Variants in CD109 observed in about 807,000 individuals in gnomAD.
CD109 encodes the protein CD109 antigen.
A neutral mutation model predicts 165.8 loss-of-function variants in CD109; 149 were observed. That is an observed-to-expected ratio of 0.90 (90% CI 0.79 to 1.03). The LOEUF is 1.03. Among genes scored for constraint, CD109 ranks in the 50% least tolerant of loss-of-function variants. The probability of loss-of-function intolerance (pLI) is 0.00; values close to 1 mark genes in which losing one functional copy is unlikely to be tolerated. For missense variants in CD109, 1,712 were observed against 1,677.8 expected, an observed-to-expected ratio of 1.02 and a Z score of -0.36; for synonymous variants, 585 against 592.1, an observed-to-expected ratio of 0.99 and a Z score of 0.18.
intron 22 of CD109, among the ~76,000 whole-genome samples, chr6:73,790,098 C>T (rs1774865308): frequency 3.4e-5 from 3 of 88,132 alleles, no homozygotes; most frequent in Non-Finnish European, 7.2e-5. Context: ...TGCTAAAAGT[C>T]CTTTTTTTTT....
intron 2 of CD109, among the ~76,000 whole-genome samples, chr6:73,712,412 C>T (rs1771573511): frequency 6.6e-6 from 1 of 151,828 alleles, no homozygotes; most frequent in African/African-American, 2.4e-5. Context: ...CAAAAGGCTG[C>T]CAAAAATAAT....
chr6:73,780,548 C>A, intron 16 of CD109, 50 bp downstream of exon 16: 1 of 1,171,278 alleles, frequency 8.5e-7, no homozygotes. Flanking sequence ...TTTACTATTG[C>A]AAACCCTTTC....
chr6:73,726,029 A>G (rs181532773), intron 3 of CD109, among the ~76,000 whole-genome samples: 192 of 152,344 alleles, frequency 1.3e-3, no homozygotes, highest in South Asian at 2.5e-3. Flanking sequence ...ATGCTTGACA[A>G]AAAAAGAAGG....
Position 73,783,814 on chromosome 6 carries a change from C to T in CD109, c.2213C>T (p.Thr738Ile), listed in dbSNP as rs138465270. 3,502 of 1,576,112 alleles carry T rather than the reference C, an allele frequency of 2.2e-3. 7 individuals carry two copies. The highest frequency in any genetic ancestry group is 2.7e-3 in the Non-Finnish European group (3,150 of 1,146,306). The change falls in exon 19 of 33, where the codon ACT (threonine) becomes ATT (isoleucine). Residue 738 changes from threonine to isoleucine, a missense_variant. Thr to Ile is a moderately conservative substitution (Grantham distance 89, BLOSUM62 -1). Transcript: ENST00000287097. Reference sequence around the variant, plus strand: ...GACCTGGGTCTTGGACTAACAACTACTCCAGTGGAGGTATTGTATTAAAGA... The same window carrying T: ...GACCTGGGTCTTGGACTAACAACTATTCCAGTGGAGGTATTGTATTAAAGA... ...SEDLGLGLTT[T>I]PVELQAFQPF...
the CD109 span, among the ~76,000 whole-genome samples, chr6:73,690,705 T>C: frequency 1.1e-4 from 17 of 152,196 alleles, no homozygotes; most frequent in Non-Finnish European, 7.3e-5. Flanking sequence ...CGGCTGCAGC[T>C]GATGAACATT....
At chr6:73,687,338 C>A in the CD109 span, among the ~76,000 whole-genome samples, 2 of 151,978 alleles carry the variant, frequency 1.3e-5, no homozygotes, top group African/African-American at 2.4e-5. Context: ...ACATTGGATA[C>A]TCCTTCCTCC....
intron 23 of CD109, among the ~76,000 whole-genome samples, chr6:73,798,765 A>C (rs1248815999): frequency 6.6e-6 from 1 of 152,120 alleles, no homozygotes; most frequent in East Asian, 1.9e-4. Flanking sequence ...CCTGAGGGGT[A>C]ATTTCCATAA....
Position 73,792,817 on chromosome 6 carries a change from G to T in CD109, c.2878+15G>T. On this transcript the variant is annotated intron_variant, in intron 23 of 32. Coordinates refer to ENST00000287097, the MANE Select transcript of CD109 (RefSeq NM_133493.5). ...TATGAGGCAAGGTAAGCATTTTAGA[G>T]ACCTACATTTGTTCGTAGAAAAAAA... The T allele has an allele frequency of 6.3e-7, 1 of 1,589,314 alleles. No individual in the cohort carries two copies.
intron 7 of CD109, among the ~76,000 whole-genome samples, chr6:73,759,895 A>AT (rs796873614): frequency 6.6e-4 from 94 of 142,202 alleles, no homozygotes; most frequent in South Asian, 1.3e-3. Flanking sequence ...TTGAACTTGG[A>AT]TTTTTTTTTT....
In CD109 at chr6:73,787,218, T is replaced by A. The variant is rs1423147167; in HGVS notation, c.2338-16T>A. On this transcript the variant is annotated splice_polypyrimidine_tract_variant and intron_variant, in intron 20 of 32. Transcript: ENST00000287097. ...CATCTATTATACAAAAGCTTTGATT[T>A]ATTTTTTTCTTTCAGGTTAAGGTAA... The A allele has an allele frequency of 1.3e-6, 2 of 1,541,436 alleles. No individual in the cohort carries two copies. The highest frequency in any genetic ancestry group is 1.8e-6 in the Non-Finnish European group (2 of 1,117,270).
chr6:73,803,390 T>C, intron 24 of CD109, 89 bp downstream of exon 24: 1 of 866,204 alleles, frequency 1.2e-6, no homozygotes, highest in Admixed American at 2.4e-5. Flanking sequence ...GATATATCTC[T>C]ATATATTATA....
At chr6:73,717,486 T>C (rs1468604320) in intron 2 of CD109, among the ~76,000 whole-genome samples, 1 of 152,068 alleles carries the variant, frequency 6.6e-6, no homozygotes, top group Non-Finnish European at 1.5e-5. Context: ...TGTACAGATT[T>C]TTCACTTCTT....
chr6:73,821,170 A>T (rs977006271), intron 32 of CD109, among the ~76,000 whole-genome samples: 2 of 151,822 alleles, frequency 1.3e-5, no homozygotes, highest in African/African-American at 4.8e-5. Flanking sequence ...GGGTTGGGGG[A>T]GGAGGGAGGG....
chr6:73,786,673 G>A (rs776357397), intron 20 of CD109, among the ~76,000 whole-genome samples: 21 of 152,150 alleles, frequency 1.4e-4, no homozygotes, highest in Non-Finnish European at 2.6e-4. Flanking sequence ...AAAATAATTC[G>A]TAAAATTTAA....
intron 21 of CD109, 74 bp downstream of exon 21, chr6:73,787,526 G>C: frequency 8.2e-7 from 1 of 1,212,984 alleles, no homozygotes; most frequent in Non-Finnish European, 1.2e-6. Flanking sequence ...TTTTTCTCTT[G>C]GTTAAATTTG....
At chr6:73,688,640 T>G in the CD109 span, among the ~76,000 whole-genome samples, 1 of 152,044 alleles carries the variant, frequency 6.6e-6, no homozygotes, top group Non-Finnish European at 1.5e-5. Flanking sequence ...GCCTGGAACT[T>G]CTAGTGCACC....
chr6:73,782,252 C>T (rs1390883009), intron 17 of CD109, among the ~76,000 whole-genome samples: 1 of 152,210 alleles, frequency 6.6e-6, no homozygotes, highest in African/African-American at 2.4e-5. Flanking sequence ...GATCTCTCTA[C>T]ATTAAAGACA....
chr6:73,737,693 T>A (rs1338630132), intron 5 of CD109, among the ~76,000 whole-genome samples: 1 of 152,178 alleles, frequency 6.6e-6, no homozygotes. Context: ...TCTTTATATC[T>A]GAGCTTGTAG....
intron 28 of CD109, among the ~76,000 whole-genome samples, chr6:73,811,760 A>G (rs1160403167): frequency 2.0e-5 from 3 of 152,176 alleles, no homozygotes; most frequent in Non-Finnish European, 2.9e-5. Context: ...TGAAGGTGAT[A>G]ACTTCAATTC....
Sources: gnomAD v4.1 joint callset for allele counts (sites outside exome capture counted in the v4.1 genomes callset) on GRCh38, gnomAD v4.1.1 for gene constraint, MANE v1.5 for transcripts, NCBI Gene and HGNC (gene_info 2026-07-23, HGNC 2026-07-21) for gene names.